ZFAND6: variants seen among roughly 807,000 people sequenced by gnomAD.
ZFAND6 encodes the protein zinc finger AN1-type containing 6, also known as AN1-type zinc finger protein 6.
ZFAND6 carries 12 observed loss-of-function variants against 24.5 expected under a neutral mutation model. The observed-to-expected ratio is 0.49, with a 90% confidence interval of 0.31 to 0.79. The LOEUF (loss-of-function observed/expected upper bound fraction) is 0.79. Among genes scored for constraint, ZFAND6 ranks in the 30% least tolerant of loss-of-function variants. The probability of loss-of-function intolerance (pLI) is 0.04; values close to 1 mark genes in which losing one functional copy is unlikely to be tolerated. For missense variants in ZFAND6, 207 were observed against 245.9 expected, an observed-to-expected ratio of 0.84 and a Z score of 1.06; for synonymous variants, 92 against 81.5, an observed-to-expected ratio of 1.13 and a Z score of -0.69.
intron 2 of ZFAND6, among the ~76,000 whole-genome samples, chr15:80,118,556 G>A (rs186954780): frequency 5.1e-4 from 78 of 152,192 alleles, no homozygotes; most frequent in African/African-American, 1.8e-3. Context: ...AATGTGATAT[G>A]TGTGTGTATG....
At chr15:80,112,706 T>C (rs2039670896) in intron 2 of ZFAND6, 1 of 449,294 alleles carries the variant, frequency 2.2e-6, no homozygotes, top group Admixed American at 2.4e-5. Flanking sequence ...AGATTTTTTT[T>C]ATCATCTCTG....
intron 5 of ZFAND6, among the ~76,000 whole-genome samples, chr15:80,124,819 T>A (rs1009813551): frequency 1.3e-5 from 2 of 152,186 alleles, no homozygotes; most frequent in African/African-American, 4.8e-5. Flanking sequence ...AAATTAGGTA[T>A]AAGTTTCATC....
At chr15:80,063,935 G>A (rs1337872465) in intron 1 of ZFAND6, among the ~76,000 whole-genome samples, 1 of 152,170 alleles carries the variant, frequency 6.6e-6, no homozygotes, top group African/African-American at 2.4e-5. Context: ...TGATCTGCCT[G>A]CCTTGGCCTC....
chr15:80,136,374 A>G (rs1447439283), intron 6 of ZFAND6, among the ~76,000 whole-genome samples: 1 of 152,054 alleles, frequency 6.6e-6, no homozygotes, highest in Non-Finnish European at 1.5e-5. Context: ...CTGAGGCAGG[A>G]GAATGGCTTG....
At chr15:80,102,983 G>A (rs2039117066) in intron 2 of ZFAND6, among the ~76,000 whole-genome samples, 1 of 152,186 alleles carries the variant, frequency 6.6e-6, no homozygotes, top group Admixed American at 6.5e-5. Context: ...TTTTATGTGT[G>A]TGCTATTCTG....
At chr15:80,099,686 T>G (rs1016561758) in intron 2 of ZFAND6, among the ~76,000 whole-genome samples, 3 of 137,938 alleles carry the variant, frequency 2.2e-5, no homozygotes, top group African/African-American at 7.9e-5. Context: ...GCACAATTTC[T>G]GCTCACTGCA....
Position 80,098,475 on chromosome 15 carries a change from A to C in ZFAND6, c.-121A>C, listed in dbSNP as rs1488002636. The C allele has an allele frequency of 6.6e-6, 1 of 152,218 alleles. No homozygotes were observed. Among genetic ancestry groups the C allele is most frequent in the Non-Finnish European group, 1.5e-5 (1 of 68,026 alleles). The allele number at this position is 152,218 out of a possible 1,614,324, so 9.4% of individuals were successfully genotyped here. ...AAGGCTTTAAAATGTTTTCTTGCAT[A>C]AAATTCAAAACTTTTAAGTAGCTGC... On this transcript the variant is annotated 5_prime_UTR_variant, in exon 2 of 7. Coordinates refer to ENST00000261749, the MANE Select transcript of ZFAND6 (RefSeq NM_019006.4).
At chr15:80,060,609 A>G (rs2036277855) in intron 1 of ZFAND6, 1 of 152,160 alleles carries the variant, frequency 6.6e-6, no homozygotes, top group African/African-American at 2.4e-5. Flanking sequence ...AATTTATATT[A>G]AGTTGTTGGG....
At chr15:80,068,797 C>G (rs1427030514) in intron 1 of ZFAND6, among the ~76,000 whole-genome samples, 2 of 152,254 alleles carry the variant, frequency 1.3e-5, no homozygotes, top group African/African-American at 4.8e-5. Flanking sequence ...AAATAGAAAA[C>G]CACATGTGGC....
At chr15:80,074,637 C>T (rs1596196538) in intron 1 of ZFAND6, among the ~76,000 whole-genome samples, 1 of 151,998 alleles carries the variant, frequency 6.6e-6, no homozygotes, top group South Asian at 2.1e-4. Flanking sequence ...GGTATATCAG[C>T]ATCTTTCCAG....
chr15:80,125,020 C>T (rs2040316849), intron 5 of ZFAND6, among the ~76,000 whole-genome samples: 1 of 152,116 alleles, frequency 6.6e-6, no homozygotes, highest in Admixed American at 6.5e-5. Context: ...CACTTACATG[C>T]AATTACGATT....
intron 2 of ZFAND6, among the ~76,000 whole-genome samples, chr15:80,110,801 T>C (rs2039568393): frequency 6.6e-6 from 1 of 152,180 alleles, no homozygotes; most frequent in African/African-American, 2.4e-5. Flanking sequence ...AGCATTAATC[T>C]TAACTCTTAA....
intron 2 of ZFAND6, among the ~76,000 whole-genome samples, chr15:80,105,141 A>G (rs1200714572): frequency 6.6e-6 from 1 of 152,216 alleles, no homozygotes; most frequent in African/African-American, 2.4e-5. Context: ...GGTAGACCAC[A>G]TACTTGCTTT....
At chr15:80,078,235 C>T (rs189898579) in intron 1 of ZFAND6, among the ~76,000 whole-genome samples, 1 of 152,260 alleles carries the variant, frequency 6.6e-6, no homozygotes, top group Admixed American at 6.5e-5. Flanking sequence ...TAATTGTCTC[C>T]AGTGTTTATT....
At chr15:80,062,907 T>G (rs972360639) in intron 1 of ZFAND6, among the ~76,000 whole-genome samples, 4 of 152,222 alleles carry the variant, frequency 2.6e-5, no homozygotes, top group Admixed American at 6.5e-5. Context: ...AGCCTGGCTC[T>G]TTCTTAAGAA....
At chr15:80,080,901 A>G (rs549483016) in intron 1 of ZFAND6, among the ~76,000 whole-genome samples, 1 of 152,344 alleles carries the variant, frequency 6.6e-6, no homozygotes, top group East Asian at 1.9e-4. Flanking sequence ...GGACAGCACC[A>G]AGGGGATGGT....
At chr15:80,093,840 T>C (rs1416952358) in intron 1 of ZFAND6, among the ~76,000 whole-genome samples, 8 of 152,364 alleles carry the variant, frequency 5.3e-5, no homozygotes, top group African/African-American at 1.7e-4. Context: ...AAGTCTTGTC[T>C]CTGTTCTTTA....
chr15:80,112,057 C>T (rs1477029275), intron 2 of ZFAND6, among the ~76,000 whole-genome samples: 4 of 152,116 alleles, frequency 2.6e-5, no homozygotes, highest in African/African-American at 9.7e-5. Context: ...GTCAGCAGTT[C>T]GAGACCAGCC....
chr15:80,086,881 T>A (rs2038038920), intron 1 of ZFAND6, among the ~76,000 whole-genome samples: 2 of 152,236 alleles, frequency 1.3e-5, no homozygotes, highest in East Asian at 1.9e-4. Flanking sequence ...GTTTGACCAT[T>A]CCAAGTATTT....
Sources: gnomAD v4.1 joint callset for allele counts (sites outside exome capture counted in the v4.1 genomes callset) on GRCh38, gnomAD v4.1.1 for gene constraint, MANE v1.5 for transcripts, NCBI Gene and HGNC (gene_info 2026-07-23, HGNC 2026-07-21) for gene names.